MIPEP: variants seen among roughly 807,000 people sequenced by gnomAD.
The protein encoded by MIPEP is mitochondrial intermediate peptidase.
A neutral mutation model predicts 90.3 loss-of-function variants in MIPEP; 79 were observed. The ratio of observed to expected loss-of-function variants is 0.87; its 90% confidence interval spans 0.73 to 1.05. The LOEUF (loss-of-function observed/expected upper bound fraction) is 1.05, where lower values mean the gene tolerates loss of function less well. Ranked by LOEUF, MIPEP falls within the 50% of genes least tolerant of loss-of-function variation. MIPEP has a pLI of 0.00. For synonymous variants in MIPEP, 334 were observed against 315.8 expected (o/e 1.06, Z -0.61); for missense variants, 940 against 905.6 (o/e 1.04, Z -0.49).
rs143218361 is a variant in MIPEP, at chr13:23,807,126, T to C, written c.1729-1057A>G. Among the ~76,000 whole-genome samples the C allele has an allele frequency of 8.6e-3, 1,310 of 152,226 alleles. 27 individuals carry two copies. The highest frequency in any genetic ancestry group is 0.029 in the African/African-American group (1,190 of 41,514). On this transcript the variant is annotated intron_variant, in intron 15 of 18. Coordinates refer to ENST00000382172, the MANE Select transcript of MIPEP (RefSeq NM_005932.4). Reference sequence around the variant, plus strand: ...AGCACTCTCCTCTGAGTAGAGGATATAGGCCACTGAAACACAGTGGGAGAA... The same window carrying C: ...AGCACTCTCCTCTGAGTAGAGGATACAGGCCACTGAAACACAGTGGGAGAA...
intron 18 of MIPEP, among the ~76,000 whole-genome samples, chr13:23,752,801 A>G (rs1952454938): frequency 6.6e-6 from 1 of 152,116 alleles, no homozygotes; most frequent in African/African-American, 2.4e-5. Flanking sequence ...CCTATAATAT[A>G]TATATTTATG....
chr13:23,824,526 C>G (rs1378811622), intron 14 of MIPEP, among the ~76,000 whole-genome samples: 1 of 152,202 alleles, frequency 6.6e-6, no homozygotes, highest in Non-Finnish European at 1.5e-5. Flanking sequence ...GAAAATACTT[C>G]AGCGGCATAA....
intron 12 of MIPEP, among the ~76,000 whole-genome samples, chr13:23,838,802 A>C (rs1869168938): frequency 6.6e-6 from 1 of 152,186 alleles, no homozygotes; most frequent in African/African-American, 2.4e-5. Flanking sequence ...GAGTCTGGTG[A>C]CCTGCACCCT....
intron 5 of MIPEP, among the ~76,000 whole-genome samples, chr13:23,871,368 C>T (rs529793734): frequency 2.0e-5 from 3 of 152,174 alleles, no homozygotes; most frequent in African/African-American, 7.2e-5. Flanking sequence ...AGGAGAAGGG[C>T]TGAATTTTCA....
At chr13:23,859,324 A>T (rs1339843138) in intron 9 of MIPEP, among the ~76,000 whole-genome samples, 1 of 152,256 alleles carries the variant, frequency 6.6e-6, no homozygotes, top group Non-Finnish European at 1.5e-5. Flanking sequence ...TCTAAGCAAG[A>T]AGCTTTGGGT....
chr13:23,805,727 C>T (rs78812899), intron 16 of MIPEP, among the ~76,000 whole-genome samples: 1 of 151,952 alleles, frequency 6.6e-6, no homozygotes, highest in Non-Finnish European at 1.5e-5. Flanking sequence ...CCCCACATTT[C>T]CAAAAAGGTA....
intron 14 of MIPEP, among the ~76,000 whole-genome samples, chr13:23,830,159 A>G (rs1025887106): frequency 6.6e-6 from 1 of 152,184 alleles, no homozygotes; most frequent in Non-Finnish European, 1.5e-5. Flanking sequence ...ACTAGCAAAA[A>G]CCTGGAAGAA....
intron 15 of MIPEP, among the ~76,000 whole-genome samples, chr13:23,806,626 C>T (rs1041799113): frequency 2.0e-5 from 3 of 151,502 alleles, no homozygotes; most frequent in South Asian, 2.1e-4. Context: ...CGCAGTGAGC[C>T]GAGATTGCTC....
At chr13:23,860,150 A>G (rs770704064) in intron 9 of MIPEP, among the ~76,000 whole-genome samples, 3 of 152,254 alleles carry the variant, frequency 2.0e-5, no homozygotes, top group Non-Finnish European at 4.4e-5. Context: ...ACAGTATGTC[A>G]TGTCTACATT....
intron 17 of MIPEP, among the ~76,000 whole-genome samples, chr13:23,758,894 G>A (rs1952511861): frequency 6.6e-6 from 1 of 152,170 alleles, no homozygotes. Flanking sequence ...TAATGGTGAA[G>A]TCTGAACAAA....
intron 16 of MIPEP, among the ~76,000 whole-genome samples, chr13:23,789,743 C>T (rs1047529988): frequency 2.0e-5 from 3 of 152,202 alleles, no homozygotes; most frequent in Admixed American, 6.5e-5. Context: ...TCCCACCTGC[C>T]GGGTTTGGGG....
chr13:23,884,150 T>C (rs143087523), intron 2 of MIPEP, among the ~76,000 whole-genome samples: 2 of 151,268 alleles, frequency 1.3e-5, no homozygotes, highest in African/African-American at 4.9e-5. Context: ...ATTCCACCTA[T>C]GTGACATTCT....
rs151183088 is a variant in MIPEP, at chr13:23,797,646, T to C, written c.1848+8304A>G. On this transcript the variant is annotated intron_variant, in intron 16 of 18. Coordinates refer to ENST00000382172, the MANE Select transcript of MIPEP (RefSeq NM_005932.4). ...TTCTTTAGCCTCCAGGAAAGCTTGC[T>C]GATGCACAACAAATAGGTGTAGGTT... Among the ~76,000 whole-genome samples, 810 of 152,290 alleles carry C rather than the reference T, an allele frequency of 5.3e-3. 11 individuals carry two copies. The highest frequency in any genetic ancestry group is 0.018 in the African/African-American group (749 of 41,560).
intron 16 of MIPEP, among the ~76,000 whole-genome samples, chr13:23,789,354 T>C (rs1952878529): frequency 6.6e-6 from 1 of 152,258 alleles, no homozygotes; most frequent in African/African-American, 2.4e-5. Flanking sequence ...GCTATCTGTC[T>C]ATAGAAGCCT....
At chr13:23,794,780 A>C (rs917461237) in intron 16 of MIPEP, among the ~76,000 whole-genome samples, 1 of 152,204 alleles carries the variant, frequency 6.6e-6, no homozygotes, top group Non-Finnish European at 1.5e-5. Context: ...TCATGTTTTA[A>C]ATCACTGAAA....
chr13:23,866,973 C>A (rs1870568523), intron 7 of MIPEP, among the ~76,000 whole-genome samples: 1 of 151,598 alleles, frequency 6.6e-6, no homozygotes, highest in South Asian at 2.1e-4. Context: ...TACCCAGAAT[C>A]TGATCACATC....
At chr13:23,797,663 G>A (rs906317590) in intron 16 of MIPEP, among the ~76,000 whole-genome samples, 1 of 152,160 alleles carries the variant, frequency 6.6e-6, no homozygotes, top group Admixed American at 6.5e-5. Context: ...CAACAAATAG[G>A]TGTAGGTTGC....
chr13:23,862,609 A>C (rs1870354445), intron 8 of MIPEP, among the ~76,000 whole-genome samples: 1 of 152,228 alleles, frequency 6.6e-6, no homozygotes, highest in Non-Finnish European at 1.5e-5. Flanking sequence ...AGAGTACTAA[A>C]GCTTGGAAAA....
At chr13:23,860,618 C>T (rs908287823) in intron 9 of MIPEP, among the ~76,000 whole-genome samples, 4 of 152,148 alleles carry the variant, frequency 2.6e-5, no homozygotes, top group African/African-American at 9.7e-5. Context: ...TTTTAAACAA[C>T]AGAGTGACAA....
Sources: gnomAD v4.1 joint callset for allele counts (sites outside exome capture counted in the v4.1 genomes callset) on GRCh38, gnomAD v4.1.1 for gene constraint, MANE v1.5 for transcripts, NCBI Gene and HGNC (gene_info 2026-07-23, HGNC 2026-07-21) for gene names.